COL14A1: variants seen among roughly 807,000 people sequenced by gnomAD.
COL14A1 encodes collagen type XIV alpha 1 chain.
COL14A1 carries 136 observed loss-of-function variants against 230.3 expected under a neutral mutation model. The observed-to-expected ratio is 0.59, with a 90% CI of 0.51 to 0.68. COL14A1 has a LOEUF of 0.68. Ranked by LOEUF, COL14A1 falls within the 30% of genes least tolerant of loss-of-function variation. The pLI is 0.00. For synonymous variants in COL14A1, 792 were observed against 784.1 expected, an observed-to-expected ratio of 1.01 and a Z score of -0.17; for missense variants, 1,976 against 2,215.8, an observed-to-expected ratio of 0.89 and a Z score of 2.17.
chr8:120,334,750 A>C (rs547755676), intron 42 of COL14A1, among the ~76,000 whole-genome samples: 48 of 152,178 alleles, frequency 3.2e-4, no homozygotes, highest in Non-Finnish European at 5.3e-4. Context: ...GCTCCTGGGA[A>C]CCAGAGTTTT....
intron 1 of COL14A1, among the ~76,000 whole-genome samples, chr8:120,133,831 GA>G (rs1472574704): frequency 6.6e-6 from 1 of 151,850 alleles, no homozygotes; most frequent in Non-Finnish European, 1.5e-5. Flanking sequence ...TGGAAGGTAA[GA>G]AGAAAGATAT....
Position 120,371,825 on chromosome 8 carries a change from G to T in COL14A1, c.*594G>T. On this transcript the variant is annotated 3_prime_UTR_variant, in exon 48 of 48. Coordinates refer to ENST00000297848, the MANE Select transcript of COL14A1 (RefSeq NM_021110.4). Reference sequence around the variant, plus strand: ...TCTGAATTTGGTAGTTTAAGAAACAGATTTAGTTTTTCAGTGGTTTTAACT... The same window carrying T: ...TCTGAATTTGGTAGTTTAAGAAACATATTTAGTTTTTCAGTGGTTTTAACT... 2.6e-6 allele frequency: 1 copy of T among 385,566 alleles called. No individual in the cohort carries two copies. Among genetic ancestry groups the T allele is most frequent in the Non-Finnish European group, 4.6e-6 (1 of 217,640 alleles). 23.9% of individuals were successfully genotyped at this position (385,566 alleles called of 1,614,324 possible).
At position 120,228,573 on chromosome 8, in the gene COL14A1, G is replaced by A. The variant is rs2305602; in HGVS notation, c.2138-137G>A. 0.089 allele frequency: 55,036 copies of A among 620,622 alleles called. 6,055 individuals are homozygous for A. The highest frequency in any genetic ancestry group is 0.42 in the East Asian group (14,824 of 34,912). The allele number at this position is 620,622 out of a possible 1,614,324, so 38.4% of individuals were successfully genotyped here. A position where few individuals can be genotyped will look rare whatever the true frequency, so the allele number is the denominator to read the frequency against. On this transcript the variant is annotated intron_variant, in intron 17 of 47. Coordinates refer to ENST00000297848, the MANE Select transcript of COL14A1 (RefSeq NM_021110.4). ...GCCTTACTTACAATTCATTTCTTTC[G>A]TCTTCTAACCATTGTCATGTTTGTT... is the stretch of plus-strand genomic sequence containing the variant.
intron 47 of COL14A1, 43 bp from the exon 48 acceptor site, chr8:120,371,109 T>C (rs1192441692): frequency 2.0e-6 from 3 of 1,488,294 alleles, no homozygotes; most frequent in Non-Finnish European, 2.8e-6. Context: ...CAATTTATGA[T>C]TCCTGGGTGC....
intron 45 of COL14A1, among the ~76,000 whole-genome samples, chr8:120,362,461 T>C (rs968971475): frequency 2.6e-5 from 4 of 152,232 alleles, no homozygotes; most frequent in African/African-American, 4.8e-5. Context: ...CAGATATTTC[T>C]TGAGTGCTTA....
intron 3 of COL14A1, 126 bp from the exon 4 acceptor site, chr8:120,162,300 A>G (rs1048372605): frequency 1.2e-5 from 8 of 665,226 alleles, no homozygotes; most frequent in East Asian, 5.8e-5. Context: ...TAAAATATAT[A>G]CAATAAAACA....
At chr8:120,349,869 T>C (rs1438888584) in intron 45 of COL14A1, among the ~76,000 whole-genome samples, 3 of 146,402 alleles carry the variant, frequency 2.0e-5, no homozygotes, top group African/African-American at 5.3e-5. Flanking sequence ...ATGTTCAGAT[T>C]CAGGAAATAC....
Position 120,225,257 on chromosome 8 carries a change from A to G in COL14A1, c.1864+43A>G, listed in dbSNP as rs1374489279. 12 of 1,584,980 alleles carry G rather than the reference A, an allele frequency of 7.6e-6. No homozygotes were observed. The Admixed American group carries it at 2.2e-4, about 29-fold the overall frequency. On this transcript the variant is annotated intron_variant, in intron 15 of 47. Coordinates refer to ENST00000297848, the MANE Select transcript of COL14A1 (RefSeq NM_021110.4). The stretch of plus-strand genomic sequence containing the variant: ...GGTTTGAAAAGTTTTGAGAGTAGCT[A>G]TTAATATATAGAAACCAGAACCTGG...
chr8:120,354,247 G>C (rs567826950), intron 45 of COL14A1, among the ~76,000 whole-genome samples: 2 of 99,610 alleles, frequency 2.0e-5, no homozygotes, highest in African/African-American at 4.1e-5. Context: ...GTTGTGGGGT[G>C]GGGGGAGGGG....
chr8:120,246,411 A>G (rs986978211), intron 20 of COL14A1, among the ~76,000 whole-genome samples: 4 of 152,172 alleles, frequency 2.6e-5, no homozygotes, highest in Admixed American at 6.6e-5. Context: ...CACCTTTACC[A>G]GTATATTGGC....
intron 10 of COL14A1, 149 bp downstream of exon 10, chr8:120,207,243 T>G (rs1351331242): frequency 5.5e-6 from 4 of 727,496 alleles, no homozygotes; most frequent in East Asian, 5.9e-5. Context: ...CTTGTTCATA[T>G]TGTTCTCCCC....
At chr8:120,157,395 T>A (rs1382428663) in intron 2 of COL14A1, among the ~76,000 whole-genome samples, 11 of 152,140 alleles carry the variant, frequency 7.2e-5, no homozygotes, top group Admixed American at 7.2e-4. Flanking sequence ...ATCAAAAATA[T>A]TGAATTACCA....
intron 18 of COL14A1, among the ~76,000 whole-genome samples, chr8:120,229,089 TTTTTATTTTATTTTA>T (rs144526831): frequency 7.3e-6 from 1 of 137,424 alleles, no homozygotes; most frequent in Non-Finnish European, 1.6e-5. Flanking sequence ...TTTTTTTTTC[TTTTTATTTTATTTTA>T]TTTTATTTTA....
At chr8:120,229,078 T>C (rs78857741) in intron 18 of COL14A1, among the ~76,000 whole-genome samples, 1 of 132,136 alleles carries the variant, frequency 7.6e-6, no homozygotes, top group African/African-American at 3.0e-5. Context: ...TGCCCTCCTC[T>C]TTTTTTTTTC....
chr8:120,305,220 T>C (rs1353819395), intron 36 of COL14A1, among the ~76,000 whole-genome samples: 1 of 152,196 alleles, frequency 6.6e-6, no homozygotes, highest in Non-Finnish European at 1.5e-5. Flanking sequence ...CCTAAGGTGA[T>C]CTGCCTGCCT....
At chr8:120,362,796 G>A (rs1823265227) in intron 45 of COL14A1, among the ~76,000 whole-genome samples, 1 of 152,136 alleles carries the variant, frequency 6.6e-6, no homozygotes, top group Admixed American at 6.6e-5. Context: ...AGAGAGAGAA[G>A]GAGTAGGAGG....
At chr8:120,250,189 A>C (rs1182579466) in intron 21 of COL14A1, among the ~76,000 whole-genome samples, 1 of 152,208 alleles carries the variant, frequency 6.6e-6, no homozygotes, top group Non-Finnish European at 1.5e-5. Context: ...ACAATGTGGC[A>C]AGGTATGGCC....
At chr8:120,183,997 A>G (rs1164375940) in intron 5 of COL14A1, among the ~76,000 whole-genome samples, 1 of 152,124 alleles carries the variant, frequency 6.6e-6, no homozygotes, top group Non-Finnish European at 1.5e-5. Flanking sequence ...TGGACACGTT[A>G]TTTAACCTAT....
chr8:120,278,698 C>A (rs1363399189), intron 28 of COL14A1, 120 bp downstream of exon 28: 24 of 987,786 alleles, frequency 2.4e-5, no homozygotes, highest in Middle Eastern at 3.3e-4. Context: ...TTCATATTAA[C>A]TAGACAGTGT....
Sources: allele counts gnomAD v4.1 joint callset (sites outside exome capture counted in the v4.1 genomes callset), GRCh38; gene constraint gnomAD v4.1.1; transcripts MANE v1.5; gene names NCBI Gene and HGNC (gene_info 2026-07-23, HGNC 2026-07-21).